Variants in MNAT1 observed in about 807,000 individuals in gnomAD.
The protein encoded by MNAT1 is MNAT1 component of CDK activating kinase, also known as CDK-activating kinase assembly factor MAT1.
Under a neutral mutation model 42.0 loss-of-function variants are expected in MNAT1, and 43 were observed. The ratio of observed to expected loss-of-function variants is 1.02; its 90% confidence interval spans 0.80 to 1.32. The LOEUF (loss-of-function observed/expected upper bound fraction) is 1.32. Ranked by LOEUF, MNAT1 falls within the 40% of genes most tolerant of loss-of-function variation. The pLI, the probability that MNAT1 is intolerant of heterozygous loss-of-function variation, is 0.00. For missense variants in MNAT1, 306 were observed against 350.4 expected, an observed-to-expected ratio of 0.87 and a Z score of 1.01; for synonymous variants, 118 against 120.0, an observed-to-expected ratio of 0.98 and a Z score of 0.11.
At chr14:60,878,856 G>T (rs2034488647) in intron 6 of MNAT1, among the ~76,000 whole-genome samples, 1 of 152,100 alleles carries the variant, frequency 6.6e-6, no homozygotes, top group African/African-American at 2.4e-5. Flanking sequence ...TCCACTGAAT[G>T]CACTGCTCTT....
intron 7 of MNAT1, among the ~76,000 whole-genome samples, chr14:60,958,950 A>T (rs182428221): frequency 5.9e-5 from 9 of 151,684 alleles, no homozygotes; most frequent in African/African-American, 2.2e-4. Flanking sequence ...ACAAGGTCTT[A>T]CTCTGTTACT....
intron 6 of MNAT1, among the ~76,000 whole-genome samples, chr14:60,860,772 A>G (rs1202411078): frequency 1.3e-5 from 2 of 152,212 alleles, no homozygotes; most frequent in Non-Finnish European, 2.9e-5. Context: ...ATGGGGAGTC[A>G]TAGGCTGATA....
intron 7 of MNAT1, among the ~76,000 whole-genome samples, chr14:60,942,521 C>T (rs955308905): frequency 4.0e-5 from 6 of 149,366 alleles, no homozygotes; most frequent in Non-Finnish European, 7.4e-5. Context: ...TCTCGCGGTA[C>T]TGACATTTGT....
At chr14:60,958,663 G>A (rs1404137494) in intron 7 of MNAT1, among the ~76,000 whole-genome samples, 2 of 105,402 alleles carry the variant, frequency 1.9e-5, no homozygotes, top group African/African-American at 7.5e-5. Flanking sequence ...TTGAGACAGA[G>A]TCTCGCTCTG....
At chr14:60,760,235 CT>C (rs1021295261) in intron 1 of MNAT1, among the ~76,000 whole-genome samples, 7 of 152,010 alleles carry the variant, frequency 4.6e-5, no homozygotes, top group African/African-American at 1.7e-4. Context: ...TCAGCATATG[CT>C]TTACCTCCTT....
At chr14:60,779,201 C>T (rs183976668) in intron 1 of MNAT1, among the ~76,000 whole-genome samples, 7 of 152,212 alleles carry the variant, frequency 4.6e-5, no homozygotes, top group Admixed American at 2.0e-4. Flanking sequence ...TCAGGGGATC[C>T]GCTGATATGT....
chr14:60,901,296 AAAG>A (rs2139506039), intron 7 of MNAT1, among the ~76,000 whole-genome samples: 1 of 152,264 alleles, frequency 6.6e-6, no homozygotes, highest in African/African-American at 2.4e-5. Flanking sequence ...GCTTCGGAAA[AAAG>A]AGATTTCTTT....
At chr14:60,949,422 G>A (rs749796456) in intron 7 of MNAT1, among the ~76,000 whole-genome samples, 1 of 152,016 alleles carries the variant, frequency 6.6e-6, no homozygotes, top group Non-Finnish European at 1.5e-5. Flanking sequence ...CATTTTTAAC[G>A]ATAAAGCATT....
intron 1 of MNAT1, among the ~76,000 whole-genome samples, chr14:60,741,668 T>TTTTG (rs1555371506): frequency 3.4e-5 from 5 of 146,712 alleles, no homozygotes; most frequent in Non-Finnish European, 6.0e-5. Context: ...GTTTTTTTTT[T>TTTTG]TTTTTTTTTT....
intron 3 of MNAT1, among the ~76,000 whole-genome samples, chr14:60,807,145 AAC>A (rs555535533): frequency 8.1e-4 from 124 of 152,334 alleles, no homozygotes; most frequent in African/African-American, 2.9e-3. Context: ...CTGGATTTTC[AAC>A]AGTGATTATG....
At chr14:60,868,448 G>A (rs2034252322) in intron 6 of MNAT1, among the ~76,000 whole-genome samples, 1 of 152,116 alleles carries the variant, frequency 6.6e-6, no homozygotes, top group African/African-American at 2.4e-5. Context: ...ACTTAGTAAG[G>A]TAACATATTC....
chr14:60,742,700 C>G (rs1249830388), intron 1 of MNAT1, among the ~76,000 whole-genome samples: 10 of 152,190 alleles, frequency 6.6e-5, no homozygotes, highest in Non-Finnish European at 1.3e-4. Flanking sequence ...TACTTTCTGA[C>G]TATGTAGATT....
chr14:60,785,775 C>T (rs899286313), intron 1 of MNAT1, among the ~76,000 whole-genome samples: 1 of 152,122 alleles, frequency 6.6e-6, no homozygotes, highest in African/African-American at 2.4e-5. Flanking sequence ...GAGGGTTCAG[C>T]TTTGCATTTG....
At chr14:60,913,548 C>T (rs201741974) in intron 7 of MNAT1, among the ~76,000 whole-genome samples, 2 of 152,128 alleles carry the variant, frequency 1.3e-5, no homozygotes, top group Admixed American at 6.5e-5. Context: ...TTCTAACAGT[C>T]AGGACCCTCA....
intron 6 of MNAT1, among the ~76,000 whole-genome samples, chr14:60,851,585 C>G (rs536332287): frequency 2.8e-4 from 42 of 152,188 alleles, no homozygotes; most frequent in African/African-American, 9.2e-4. Flanking sequence ...AGAACAATTG[C>G]AGGTTTGTTA....
chr14:60,917,610 G>GT (rs1378880381), intron 7 of MNAT1, among the ~76,000 whole-genome samples: 48 of 147,366 alleles, frequency 3.3e-4, no homozygotes, highest in Admixed American at 5.4e-4. Context: ...TTTGAGTTTT[G>GT]TTTTTTTTTT....
At chr14:60,777,285 A>G (rs903845429) in intron 1 of MNAT1, among the ~76,000 whole-genome samples, 1 of 152,158 alleles carries the variant, frequency 6.6e-6, no homozygotes, top group African/African-American at 2.4e-5. Context: ...ACTCTACTAC[A>G]TATAAGATTT....
chr14:60,849,800 A>T (rs1427450761), intron 6 of MNAT1, among the ~76,000 whole-genome samples: 1 of 152,028 alleles, frequency 6.6e-6, no homozygotes, highest in African/African-American at 2.4e-5. Context: ...TTTCTTCGGT[A>T]GGAGGTCCTA....
chr14:60,832,154 C>A (rs2033244901), intron 6 of MNAT1, among the ~76,000 whole-genome samples: 1 of 152,138 alleles, frequency 6.6e-6, no homozygotes, highest in African/African-American at 2.4e-5. Context: ...ATGACAGTTT[C>A]TTTTGCTGTG....
Sources: gnomAD v4.1 joint callset for allele counts (sites outside exome capture counted in the v4.1 genomes callset) on GRCh38, gnomAD v4.1.1 for gene constraint, MANE v1.5 for transcripts, NCBI Gene and HGNC (gene_info 2026-07-23, HGNC 2026-07-21) for gene names.